The following CTNNA3 variants were observed in gnomAD, a reference collection of about 807,000 sequenced individuals.
The protein encoded by CTNNA3 is catenin alpha 3, also known as catenin alpha-3.
In CTNNA3, 76 loss-of-function variants were observed where a neutral mutation model predicts 95.7. That is an observed-to-expected ratio of 0.79 (90% CI 0.66 to 0.96). The LOEUF (loss-of-function observed/expected upper bound fraction) is 0.96. CTNNA3 is among the 40% of genes least tolerant of loss of function. CTNNA3 has a pLI of 0.00. For synonymous variants in CTNNA3, 431 were observed against 374.4 expected (o/e 1.15, Z -1.74); for missense variants, 1,191 against 1,089.8 (o/e 1.09, Z -1.31).
chr10:66,183,760 A>G (rs575111489), intron 13 of CTNNA3, among the ~76,000 whole-genome samples: 2 of 152,214 alleles, frequency 1.3e-5, no homozygotes, highest in Admixed American at 6.5e-5. Flanking sequence ...TTAGTAGTAA[A>G]AGGAATCTTT....
At chr10:65,972,427 C>G (rs538683203) in intron 16 of CTNNA3, among the ~76,000 whole-genome samples, 1 of 151,998 alleles carries the variant, frequency 6.6e-6, no homozygotes, top group Non-Finnish European at 1.5e-5. Context: ...TGATTTTATA[C>G]CCAGAAAACA....
intron 12 of CTNNA3, among the ~76,000 whole-genome samples, chr10:66,369,324 T>C (rs1202576897): frequency 1.3e-5 from 2 of 152,142 alleles, no homozygotes; most frequent in African/African-American, 2.4e-5. Flanking sequence ...TAAAGTCTCC[T>C]TGGCTTTATT....
chr10:67,057,289 C>T (rs1564860386), intron 7 of CTNNA3, among the ~76,000 whole-genome samples: 1 of 152,020 alleles, frequency 6.6e-6, no homozygotes, highest in Admixed American at 6.6e-5. Flanking sequence ...GCTGAGAATA[C>T]TTAGGTTCCA....
At chr10:67,570,268 C>T (rs1482019334) in intron 3 of CTNNA3, among the ~76,000 whole-genome samples, 3 of 151,848 alleles carry the variant, frequency 2.0e-5, no homozygotes, top group Admixed American at 6.6e-5. Context: ...TTGACTTCTT[C>T]CTCTTGTCTC....
chr10:67,107,266 G>A (rs915375943), intron 7 of CTNNA3, among the ~76,000 whole-genome samples: 3 of 152,094 alleles, frequency 2.0e-5, no homozygotes, highest in African/African-American at 7.2e-5. Flanking sequence ...AAATCTCTTG[G>A]CCTTTCTAGG....
chr10:67,387,938 G>C (rs1844263634), intron 5 of CTNNA3, among the ~76,000 whole-genome samples: 1 of 151,948 alleles, frequency 6.6e-6, no homozygotes, highest in Non-Finnish European at 1.5e-5. Context: ...ACCAAAAGTA[G>C]ATAAAACCAC....
In CTNNA3 at chr10:66,269,597, T is replaced by C. The variant is rs3923260; in HGVS notation, c.1884+10873A>G. 7.3e-3 allele frequency among the ~76,000 whole-genome samples: 1,107 copies of C among 152,298 alleles called. 18 individuals are homozygous for C. Among genetic ancestry groups the C allele is most frequent in the African/African-American group, 0.025 (1,044 of 41,558 alleles). Reference sequence around the variant, plus strand: ...GATTTCTGTTCCAAACATTGCAATATAAGACAGTATAAAACACACTTTAAT... The same window carrying C: ...GATTTCTGTTCCAAACATTGCAATACAAGACAGTATAAAACACACTTTAAT... On this transcript the variant is annotated intron_variant, in intron 13 of 17. Coordinates refer to ENST00000433211, the MANE Select transcript of CTNNA3 (RefSeq NM_013266.4).
At chr10:67,054,600 C>CA (rs1310137246) in intron 7 of CTNNA3, 1 of 152,132 alleles carries the variant, frequency 6.6e-6, no homozygotes, top group Non-Finnish European at 1.5e-5. Flanking sequence ...TCCTTTCTTA[C>CA]CACTCTTCCT....
intron 7 of CTNNA3, among the ~76,000 whole-genome samples, chr10:66,910,004 G>T (rs1333335636): frequency 6.6e-6 from 1 of 152,062 alleles, no homozygotes; most frequent in African/African-American, 2.4e-5. Flanking sequence ...TTAATACTAT[G>T]CATTTATATG....
At chr10:67,750,605 T>C in intron 1 of CTNNA3, 1 of 1,555,610 alleles carries the variant, frequency 6.4e-7, no homozygotes, top group Non-Finnish European at 8.9e-7. Flanking sequence ...TCTGGATGTC[T>C]ATCTTATTCA....
At chr10:67,336,190 G>A (rs1378854268) in intron 5 of CTNNA3, among the ~76,000 whole-genome samples, 1 of 151,856 alleles carries the variant, frequency 6.6e-6, no homozygotes, top group Non-Finnish European at 1.5e-5. Flanking sequence ...CTTCTCCTAG[G>A]GCTTTTTTAT....
intron 11 of CTNNA3, among the ~76,000 whole-genome samples, chr10:66,427,412 C>A (rs1232273621): frequency 3.9e-5 from 6 of 151,936 alleles, no homozygotes; most frequent in Non-Finnish European, 8.8e-5. Flanking sequence ...CCCTAAGCTT[C>A]CTTACGGTTG....
intron 7 of CTNNA3, among the ~76,000 whole-genome samples, chr10:67,172,529 A>G (rs1299667710): frequency 1.3e-5 from 2 of 152,178 alleles, no homozygotes; most frequent in African/African-American, 2.4e-5. Context: ...ATATATACAT[A>G]TGTATAATAC....
At chr10:66,952,608 G>T (rs2132727352) in intron 7 of CTNNA3, among the ~76,000 whole-genome samples, 1 of 152,040 alleles carries the variant, frequency 6.6e-6, no homozygotes, top group South Asian at 2.1e-4. Context: ...AGCAATAATG[G>T]GCCATTATAG....
intron 12 of CTNNA3, among the ~76,000 whole-genome samples, chr10:66,312,695 C>T (rs1188443871): frequency 6.6e-6 from 1 of 152,032 alleles, no homozygotes; most frequent in Non-Finnish European, 1.5e-5. Context: ...TACAGGCATG[C>T]ATCATCAGGC....
At chr10:66,555,824 A>T (rs1032760278) in intron 10 of CTNNA3, among the ~76,000 whole-genome samples, 63 of 152,060 alleles carry the variant, frequency 4.1e-4, no homozygotes, top group African/African-American at 1.5e-3. Flanking sequence ...GACCCTGGAA[A>T]TAACTTTTGG....
At chr10:67,544,118 G>T (rs898460265) in intron 3 of CTNNA3, among the ~76,000 whole-genome samples, 1 of 152,144 alleles carries the variant, frequency 6.6e-6, no homozygotes, top group African/African-American at 2.4e-5. Flanking sequence ...GACTAGGAAT[G>T]TGGCTGCATA....
chr10:66,836,127 C>T (rs1004727385), intron 7 of CTNNA3, among the ~76,000 whole-genome samples: 11 of 152,128 alleles, frequency 7.2e-5, no homozygotes, highest in Admixed American at 6.6e-5. Flanking sequence ...GCAAATATTT[C>T]AACCATGATC....
intron 7 of CTNNA3, among the ~76,000 whole-genome samples, chr10:66,861,327 C>G (rs1301094172): frequency 6.6e-6 from 1 of 152,120 alleles, no homozygotes; most frequent in Non-Finnish European, 1.5e-5. Context: ...ACGTTCTGCC[C>G]ATGTCTGCAT....
Sources: gnomAD v4.1 joint callset for allele counts (sites outside exome capture counted in the v4.1 genomes callset) on GRCh38, gnomAD v4.1.1 for gene constraint, MANE v1.5 for transcripts, NCBI Gene and HGNC (gene_info 2026-07-23, HGNC 2026-07-21) for gene names.